The following EXOC6 variants were observed in gnomAD, a reference collection of about 807,000 sequenced individuals.
The protein encoded by EXOC6 is exocyst complex component 6.
EXOC6 carries 60 observed loss-of-function variants against 112.5 expected under a neutral mutation model. The ratio of observed to expected loss-of-function variants is 0.53; its 90% confidence interval spans 0.43 to 0.66. The LOEUF (loss-of-function observed/expected upper bound fraction) is 0.66. EXOC6 is among the 30% of genes least tolerant of loss of function. The pLI, the probability that EXOC6 is intolerant of heterozygous loss-of-function variation, is 0.00. For synonymous variants in EXOC6, 295 were observed against 308.0 expected (o/e 0.96, Z 0.44); for missense variants, 855 against 957.1 (o/e 0.89, Z 1.41).
intron 18 of EXOC6, among the ~76,000 whole-genome samples, chr10:92,994,172 T>C (rs1054633327): frequency 6.6e-6 from 1 of 152,210 alleles, no homozygotes; most frequent in Admixed American, 6.5e-5. Context: ...ATAAATCATA[T>C]TGACTGACAC....
At chr10:92,953,438 G>A (rs1853529257) in intron 15 of EXOC6, among the ~76,000 whole-genome samples, 1 of 152,164 alleles carries the variant, frequency 6.6e-6, no homozygotes, top group Admixed American at 6.6e-5. Context: ...ATGTTAGCCT[G>A]TATCTAAGGC....
chr10:92,971,312 G>GCAA (rs879901360), intron 17 of EXOC6, among the ~76,000 whole-genome samples: 3,864 of 150,176 alleles, frequency 0.026, 74 homozygotes, highest in Non-Finnish European at 0.042. Flanking sequence ...CCAAAGTGCT[G>GCAA]GGATTACAGG....
rs189504767 is a variant in EXOC6, at chr10:92,954,970, T to C, written c.1638+229T>C. The stretch of plus-strand genomic sequence containing the variant: ...GCTTTGGGAGGCCAAGGCAGGAGGA[T>C]TGTTTGAGGTCAGGAGTTTGAGACC... On this transcript the variant is annotated intron_variant, in intron 16 of 21. Coordinates refer to ENST00000260762, the MANE Select transcript of EXOC6 (RefSeq NM_019053.6). Among the ~76,000 whole-genome samples, 220 of 152,026 alleles carry C rather than the reference T, an allele frequency of 1.4e-3. 1 individual carries two copies. In the East Asian group the frequency reaches 0.038, roughly 27 times the overall value.
intron 18 of EXOC6, among the ~76,000 whole-genome samples, chr10:92,979,440 T>A (rs1260932519): frequency 6.6e-6 from 1 of 152,240 alleles, no homozygotes; most frequent in African/African-American, 2.4e-5. Context: ...TGAGATTTTG[T>A]TCTCTGCTCA....
intron 19 of EXOC6, among the ~76,000 whole-genome samples, chr10:92,999,814 C>T (rs537675969): frequency 2.0e-5 from 3 of 151,924 alleles, no homozygotes; most frequent in East Asian, 3.9e-4. Flanking sequence ...GCAATTCTCC[C>T]GCCTCAGCCT....
At chr10:92,831,396 TTAGAG>T (rs1846474667), upstream of EXOC6, 1 of 1,189,100 alleles carries the variant, frequency 8.4e-7, no homozygotes, top group Non-Finnish European at 1.1e-6. Context: ...TTAAACTACT[TTAGAG>T]TATAGTATTC....
chr10:92,917,571 C>T (rs1851171349), intron 7 of EXOC6, among the ~76,000 whole-genome samples: 2 of 149,054 alleles, frequency 1.3e-5, no homozygotes, highest in Admixed American at 1.3e-4. Context: ...CTGTGTTGCC[C>T]GTGAGTGCAG....
At chr10:92,976,803 G>A (rs1842640800) in intron 18 of EXOC6, among the ~76,000 whole-genome samples, 1 of 151,754 alleles carries the variant, frequency 6.6e-6, no homozygotes, top group African/African-American at 2.4e-5. Flanking sequence ...CGTAGTCATA[G>A]CACATCTACA....
intron 21 of EXOC6, 134 bp downstream of exon 21, chr10:93,057,170 C>CA: frequency 2.0e-6 from 1 of 493,004 alleles, no homozygotes; most frequent in South Asian, 4.1e-5. Flanking sequence ...GTTTAATGAC[C>CA]AAAAAATAAG....
chr10:92,940,703 CTTTTT>C lies in EXOC6; in HGVS notation c.1213-14_1213-10del. On this transcript the variant is annotated intron_variant, in intron 12 of 21. Transcript: ENST00000260762. ...ATATTTTTGTACACTTGTTTATCTG[CTTTTT>C]TTTTTTTTTGTATTTTAGGGTTATG... 1.6e-6 allele frequency: 2 copies of C among 1,230,504 alleles called. No individual in the cohort carries two copies. Among genetic ancestry groups the C allele is most frequent in the Non-Finnish European group, 2.2e-6 (2 of 894,972 alleles). The allele number at this position is 1,230,504 out of a possible 1,614,324, so 76.2% of individuals were successfully genotyped here. A position where few individuals can be genotyped will look rare whatever the true frequency, so the allele number is the denominator to read the frequency against.
chr10:92,912,209 A>C (rs1489045181), intron 6 of EXOC6, among the ~76,000 whole-genome samples: 1 of 151,686 alleles, frequency 6.6e-6, no homozygotes, highest in African/African-American at 2.4e-5. Context: ...AGCTACCCCA[A>C]ACCCAGCATT....
chr10:93,049,755 T>C (rs1846193898), intron 20 of EXOC6, among the ~76,000 whole-genome samples: 1 of 152,086 alleles, frequency 6.6e-6, no homozygotes, highest in Non-Finnish European at 1.5e-5. Context: ...AATTTTTAAT[T>C]GTATGTCGAA....
In EXOC6 at chr10:92,902,929, T is replaced by G. The variant is rs183480800; in HGVS notation, c.458+3285T>G. 2.9e-3 allele frequency among the ~76,000 whole-genome samples: 443 copies of G among 152,294 alleles called. 2 individuals are homozygous for G. The highest frequency in any genetic ancestry group is 0.01 in the African/African-American group (425 of 41,570). On this transcript the variant is annotated intron_variant, in intron 5 of 21. Transcript: ENST00000260762. ...TTTCTTTTTATTGCTAGAATTTGTTTATCTATCCATTAGTTGCTATTTGGG... is the reference window on the plus strand; with the variant it reads ...TTTCTTTTTATTGCTAGAATTTGTTGATCTATCCATTAGTTGCTATTTGGG...
intron 20 of EXOC6, among the ~76,000 whole-genome samples, chr10:93,050,211 G>C (rs1004023427): frequency 1.4e-4 from 22 of 152,102 alleles, no homozygotes; most frequent in Non-Finnish European, 2.6e-4. Flanking sequence ...CTCAAAATTA[G>C]AAAAATAAGC....
At chr10:93,053,528 C>T (rs1347109046) in intron 20 of EXOC6, among the ~76,000 whole-genome samples, 1 of 152,218 alleles carries the variant, frequency 6.6e-6, no homozygotes, top group East Asian at 1.9e-4. Flanking sequence ...GGAGTCTCTC[C>T]TCTTTATCAA....
intron 8 of EXOC6, 57 bp downstream of exon 8, chr10:92,920,107 T>C: frequency 9.0e-7 from 1 of 1,110,162 alleles, no homozygotes; most frequent in Non-Finnish European, 1.3e-6. Flanking sequence ...AAGGCATGTA[T>C]GTATTTTAGG....
At chr10:92,896,073 ATATATATGTGTATATATATATG>A (rs1849748196) in intron 4 of EXOC6, among the ~76,000 whole-genome samples, 1 of 75,458 alleles carries the variant, frequency 1.3e-5, no homozygotes, top group Non-Finnish European at 2.5e-5. Flanking sequence ...ATATATGTGT[ATATATATGTGTATATATATATG>A]TGTGTATATA....
intron 1 of EXOC6, among the ~76,000 whole-genome samples, chr10:92,889,559 T>C (rs2133800095): frequency 6.6e-6 from 1 of 152,288 alleles, no homozygotes; most frequent in South Asian, 2.1e-4. Context: ...GAAGACTGTC[T>C]TTTCTCTATT....
chr10:93,024,087 T>C (rs1454664771), intron 20 of EXOC6, among the ~76,000 whole-genome samples: 1 of 152,252 alleles, frequency 6.6e-6, no homozygotes, highest in Non-Finnish European at 1.5e-5. Flanking sequence ...ACTAATACTA[T>C]ACTAAATCCT....
Sources: gnomAD v4.1 joint callset for allele counts (sites outside exome capture counted in the v4.1 genomes callset) on GRCh38, gnomAD v4.1.1 for gene constraint, MANE v1.5 for transcripts, NCBI Gene and HGNC (gene_info 2026-07-23, HGNC 2026-07-21) for gene names.